GCH1: variants seen among roughly 807,000 people sequenced by gnomAD.
GCH1 encodes GTP cyclohydrolase 1, also known as GTP cyclohydrolase I.
A neutral mutation model predicts 25.9 loss-of-function variants in GCH1; 5 were observed. The ratio of observed to expected loss-of-function variants is 0.19; its 90% CI spans 0.10 to 0.41. The LOEUF (loss-of-function observed/expected upper bound fraction) is 0.41, where lower values mean the gene tolerates loss of function less well. GCH1 is among the 10% of genes least tolerant of loss of function. GCH1 has a pLI of 1.00. For missense variants in GCH1, 261 were observed against 336.5 expected, an observed-to-expected ratio of 0.78 and a Z score of 1.75; for synonymous variants, 159 against 129.6, an observed-to-expected ratio of 1.23 and a Z score of -1.54.
chr14:54,880,791 C>T (rs1194972971), intron 1 of GCH1, among the ~76,000 whole-genome samples: 1 of 43,718 alleles, frequency 2.3e-5, no homozygotes, highest in Non-Finnish European at 3.6e-5. Flanking sequence ...ATATATACTC[C>T]ATATATATAT....
At chr14:54,844,295 A>G (rs1428493570) in intron 5 of GCH1, 152 bp from the exon 6 acceptor site, 2 of 731,712 alleles carry the variant, frequency 2.7e-6, no homozygotes, top group Non-Finnish European at 5.0e-6. Flanking sequence ...AGGTTCATGC[A>G]AAAGTAACTG....
chr14:54,874,204 A>G (rs931474994), intron 1 of GCH1, among the ~76,000 whole-genome samples: 33 of 152,364 alleles, frequency 2.2e-4, no homozygotes, highest in African/African-American at 7.5e-4. Flanking sequence ...AAATCAATAA[A>G]TGTAATCCAG....
At chr14:54,889,128 A>T in intron 1 of GCH1, among the ~76,000 whole-genome samples, 1 of 152,178 alleles carries the variant, frequency 6.6e-6, no homozygotes, top group Non-Finnish European at 1.5e-5. Context: ...TGAAGGGCAG[A>T]TTCTTTTTGA....
chr14:54,901,194 A>G (rs1389254967), intron 1 of GCH1, among the ~76,000 whole-genome samples: 4 of 152,130 alleles, frequency 2.6e-5, no homozygotes, highest in Non-Finnish European at 1.5e-5. Context: ...ACACTCCTTC[A>G]GAGAAATAAC....
chr14:54,862,204 A>T (rs75148669), intron 2 of GCH1, among the ~76,000 whole-genome samples: 2,563 of 151,508 alleles, frequency 0.017, 71 homozygotes, highest in African/African-American at 0.05. Context: ...AATTAATTTT[A>T]AAAAAAAATT....
At chr14:54,874,488 G>T (rs1346403413) in intron 1 of GCH1, among the ~76,000 whole-genome samples, 5 of 152,190 alleles carry the variant, frequency 3.3e-5, no homozygotes, top group African/African-American at 9.6e-5. Flanking sequence ...GGAAGTTCTG[G>T]CCAGGGCAAT....
intron 1 of GCH1, among the ~76,000 whole-genome samples, chr14:54,894,118 T>A (rs72713482): frequency 0.2 from 30,457 of 152,116 alleles, 3,122 homozygotes; most frequent in Admixed American, 0.23. Context: ...ACAAGTTGAA[T>A]TGTGCCATTC....
At chr14:54,853,370 T>C (rs978708142) in intron 3 of GCH1, among the ~76,000 whole-genome samples, 4 of 152,224 alleles carry the variant, frequency 2.6e-5, no homozygotes, top group Non-Finnish European at 2.9e-5. Flanking sequence ...GAGTTCCTTT[T>C]TCTTTTTCCT....
intron 1 of GCH1, among the ~76,000 whole-genome samples, chr14:54,890,327 A>G (rs906736908): frequency 1.3e-5 from 2 of 152,212 alleles, no homozygotes; most frequent in African/African-American, 4.8e-5. Flanking sequence ...GAGAAACCCC[A>G]TCTCTATTAA....
intron 1 of GCH1, among the ~76,000 whole-genome samples, chr14:54,865,942 A>C (rs2140074884): frequency 6.6e-6 from 1 of 152,252 alleles, no homozygotes; most frequent in African/African-American, 2.4e-5. Flanking sequence ...ACATTTGTAA[A>C]GTGTTCTATA....
Position 54,902,467 on chromosome 14 carries a change from A to G in GCH1, c.197T>C (p.Leu66Pro), listed in dbSNP as rs1042390728. 1 of 1,612,400 alleles carries G rather than the reference A, an allele frequency of 6.2e-7. No individual in the cohort carries two copies. ...GGCGGCTGCCAGGTTAGGGAGGTTC[A>G]GCTCGTTATCCTCCTCGCTGCGGGG... is the stretch of plus-strand genomic sequence containing the variant. ...ERPRSEEDNE[L>P]NLPNLAAAYS... The change falls in exon 1 of 6, where the codon CTG (leucine) becomes CCG (proline). Residue 66 changes from leucine (L) to proline (P), a missense_variant. By Grantham distance (98) the Leu-to-Pro change is moderately conservative (BLOSUM62 -3). Transcript: ENST00000491895.
intron 1 of GCH1, among the ~76,000 whole-genome samples, chr14:54,882,128 T>C (rs1256185369): frequency 6.6e-6 from 1 of 152,244 alleles, no homozygotes; most frequent in Non-Finnish European, 1.5e-5. Context: ...GCAATTACTT[T>C]ACTGCCTCTT....
At chr14:54,870,207 T>C (rs1374244608) in intron 1 of GCH1, among the ~76,000 whole-genome samples, 4 of 152,014 alleles carry the variant, frequency 2.6e-5, no homozygotes, top group African/African-American at 9.7e-5. Flanking sequence ...ACTTCAAACA[T>C]AATTTTTAGG....
At chr14:54,875,754 C>G (rs571084702) in intron 1 of GCH1, among the ~76,000 whole-genome samples, 3 of 152,322 alleles carry the variant, frequency 2.0e-5, no homozygotes, top group South Asian at 4.1e-4. Flanking sequence ...AAATGCTCAT[C>G]ATCACTGGCC....
chr14:54,894,219 A>C (rs1261398685), intron 1 of GCH1, among the ~76,000 whole-genome samples: 2 of 152,216 alleles, frequency 1.3e-5, no homozygotes, highest in Non-Finnish European at 2.9e-5. Context: ...GTAATTAGCT[A>C]AACTAACACA....
At chr14:54,898,768 C>T (rs1402038003) in intron 1 of GCH1, among the ~76,000 whole-genome samples, 5 of 152,226 alleles carry the variant, frequency 3.3e-5, no homozygotes, top group South Asian at 2.1e-4. Flanking sequence ...TACAGGTATG[C>T]GCCACCACAT....
At chr14:54,851,756 C>G (rs1408184474) in intron 3 of GCH1, among the ~76,000 whole-genome samples, 1 of 152,150 alleles carries the variant, frequency 6.6e-6, no homozygotes, top group African/African-American at 2.4e-5. Flanking sequence ...GAAATAGGAA[C>G]ACTTTTACAC....
intron 1 of GCH1, among the ~76,000 whole-genome samples, chr14:54,868,519 A>G (rs2040020461): frequency 6.6e-6 from 1 of 152,234 alleles, no homozygotes; most frequent in Admixed American, 6.5e-5. Context: ...GACTAGAGAA[A>G]TGACAATGAA....
At position 54,843,603 on chromosome 14, in the gene GCH1, A is replaced by G. The variant is rs2039592838; in HGVS notation, c.*414T>C. ...CACTAAATATTTTAGCACTTTCGGCACTACACCACTTTTATTGGAGGAAGA... is the reference window on the plus strand; with the variant it reads ...CACTAAATATTTTAGCACTTTCGGCGCTACACCACTTTTATTGGAGGAAGA... On this transcript the variant is annotated 3_prime_UTR_variant, in exon 6 of 6. Coordinates refer to ENST00000491895, the MANE Select transcript of GCH1 (RefSeq NM_000161.3). 2.1e-6 allele frequency: 3 copies of G among 1,450,730 alleles called. No homozygotes were observed. Among genetic ancestry groups the G allele is most frequent in the Non-Finnish European group, 2.7e-6 (3 of 1,103,524 alleles). 89.9% of individuals were successfully genotyped at this position (1,450,730 alleles called of 1,614,324 possible). A position where few individuals can be genotyped will look rare whatever the true frequency, so the allele number is the denominator to read the frequency against.
Sources: gnomAD v4.1 joint callset for allele counts (sites outside exome capture counted in the v4.1 genomes callset) on GRCh38, gnomAD v4.1.1 for gene constraint, MANE v1.5 for transcripts, NCBI Gene and HGNC (gene_info 2026-07-23, HGNC 2026-07-21) for gene names.